The following KSR1 variants were observed in gnomAD, a reference collection of about 807,000 sequenced individuals.
KSR1 encodes kinase suppressor of ras 1, also known as kinase suppressor of ras.
A neutral mutation model predicts 92.9 loss-of-function variants in KSR1; 35 were observed. The observed-to-expected ratio is 0.38, with a 90% CI of 0.29 to 0.50. The LOEUF (loss-of-function observed/expected upper bound fraction) is 0.50, where lower values mean the gene tolerates loss of function less well. Ranked by LOEUF, KSR1 falls within the 20% of genes least tolerant of loss-of-function variation. The pLI, the probability that KSR1 is intolerant of heterozygous loss-of-function variation, is 0.94. For synonymous variants in KSR1, 467 were observed against 472.6 expected, an observed-to-expected ratio of 0.99 and a Z score of 0.15; for missense variants, 972 against 1,158.5, an observed-to-expected ratio of 0.84 and a Z score of 2.34.
Position 27,456,688 on chromosome 17 carries a change from G to C in KSR1, c.45G>C (p.Lys15Asn). The change falls in exon 1 of 21, where the codon AAG becomes AAC. Residue 15 changes from lysine (K) to asparagine (N), a missense_variant. Coordinates refer to ENST00000644974, the MANE Select transcript of KSR1 (RefSeq NM_001394583.1). ...ALRAAAMGEKKEGGGGGDAAA... is the reference protein window; with the variant it reads ...ALRAAAMGEKNEGGGGGDAAA... ...GCGCGGCGGCGATGGGAGAGAAGAA[G>C]GAGGGCGGTGGCGGGGGGGATGCGG... is the stretch of plus-strand genomic sequence containing the variant. 1 of 735,484 alleles carries C rather than the reference G, an allele frequency of 1.4e-6. No homozygotes were observed. The highest frequency in any genetic ancestry group is 1.5e-5 in the South Asian group (1 of 64,858). The allele number at this position is 735,484 out of a possible 1,614,324, so 45.6% of individuals were successfully genotyped here. A position where few individuals can be genotyped will look rare whatever the true frequency, so the allele number is the denominator to read the frequency against.
chr17:27,623,511 C>G lies in KSR1; in HGVS notation c.*119C>G, dbSNP rs761257179. 8 of 691,024 alleles carry G rather than the reference C, an allele frequency of 1.2e-5. No individual in the cohort carries two copies. The Admixed American group carries it at 1.5e-4, about 13-fold the overall frequency. The allele number at this position is 691,024 out of a possible 1,614,324, so 42.8% of individuals were successfully genotyped here. A position where few individuals can be genotyped will look rare whatever the true frequency, so the allele number is the denominator to read the frequency against. On this transcript the variant is annotated 3_prime_UTR_variant, in exon 21 of 21. Transcript: ENST00000644974. Reference sequence around the variant, plus strand: ...CCCAGCGCTGCAAACCAGGAGCACACGTCCTAGATTCAGACTGTTGGCCAT... The same window carrying G: ...CCCAGCGCTGCAAACCAGGAGCACAGGTCCTAGATTCAGACTGTTGGCCAT...
chr17:27,491,753 GGTCGCCCAGGTCT>G (rs2068838890), intron 1 of KSR1, among the ~76,000 whole-genome samples: 1 of 151,916 alleles, frequency 6.6e-6, no homozygotes, highest in Admixed American at 6.5e-5. Flanking sequence ...ATTTGCCCAG[GGTCGCCCAGGTCT>G]GTGTGGGGAA....
rs1193487033 is a variant in KSR1, at chr17:27,456,814, G to C, written c.171G>C (p.Gly57=). The C allele has an allele frequency of 4.0e-6, 6 of 1,508,112 alleles. No individual in the cohort carries two copies. The highest frequency in any genetic ancestry group is 2.3e-5 in the East Asian group (1 of 44,410). The allele number at this position is 1,508,112 out of a possible 1,614,324, so 93.4% of individuals were successfully genotyped here. ...LIDISIGSLR[G]LRTKCAVSND... ...ACATCTCCATCGGCAGCCTGCGCGG[G>C]CTGCGCACCAAGTGCGCTGTGTCCA... Residue 57 remains glycine (G), a synonymous_variant, in exon 1 of 21, where the codon GGG becomes GGC. Transcript: ENST00000644974.
chr17:27,525,933 G>T (rs1400688990), intron 1 of KSR1, among the ~76,000 whole-genome samples: 3 of 152,098 alleles, frequency 2.0e-5, no homozygotes, highest in African/African-American at 7.2e-5. Context: ...GGAACAGTTT[G>T]CGTGGAAGGT....
Position 27,526,775 on chromosome 17 carries a change from C to G in KSR1, c.232-23793C>G, listed in dbSNP as rs1271735859. On this transcript the variant is annotated intron_variant, in intron 1 of 20. Transcript: ENST00000644974. ...CTCTTTCTCATCATCGCACAGTTCT[C>G]TATTTGAAACAGCAAATGATTCTTG... 4 of 1,137,976 alleles carry G rather than the reference C, an allele frequency of 3.5e-6. No homozygotes were observed. The African/African-American group carries it at 6.2e-5, about 18-fold the overall frequency. 70.5% of individuals were successfully genotyped at this position (1,137,976 alleles called of 1,614,324 possible).
intron 15 of KSR1, among the ~76,000 whole-genome samples, chr17:27,608,290 C>T (rs532551613): frequency 6.6e-6 from 1 of 152,322 alleles, no homozygotes; most frequent in Non-Finnish European, 1.5e-5. Flanking sequence ...CCTGGTCACA[C>T]CCTTTGTGTG....
chr17:27,525,460 A>G (rs779914002), intron 1 of KSR1, among the ~76,000 whole-genome samples: 1 of 152,214 alleles, frequency 6.6e-6, no homozygotes, highest in East Asian at 1.9e-4. Flanking sequence ...GAGTTACCGC[A>G]TGTAATGTGC....
intron 7 of KSR1, 95 bp from the exon 8 acceptor site, chr17:27,592,266 G>A: frequency 1.1e-6 from 1 of 905,266 alleles, no homozygotes; most frequent in Non-Finnish European, 1.8e-6. Flanking sequence ...TGTGAAAATG[G>A]AGACAGTCCT....
intron 2 of KSR1, among the ~76,000 whole-genome samples, chr17:27,551,225 T>A (rs552343957): frequency 6.6e-6 from 1 of 152,340 alleles, no homozygotes; most frequent in African/African-American, 2.4e-5. Context: ...CAATATGCTG[T>A]CTTCCTTCCA....
intron 1 of KSR1, among the ~76,000 whole-genome samples, chr17:27,529,189 A>G (rs1007382067): frequency 4.6e-5 from 7 of 152,242 alleles, no homozygotes; most frequent in South Asian, 2.1e-4. Context: ...TGTGAAGATC[A>G]TACTGCAAAT....
At chr17:27,521,228 G>A (rs2070015339) in intron 1 of KSR1, among the ~76,000 whole-genome samples, 1 of 152,128 alleles carries the variant, frequency 6.6e-6, no homozygotes, top group Non-Finnish European at 1.5e-5. Context: ...CACAGGGAGG[G>A]TGGAAAGCCC....
At chr17:27,581,276 G>A (rs575854059) in intron 3 of KSR1, among the ~76,000 whole-genome samples, 19 of 152,048 alleles carry the variant, frequency 1.2e-4, no homozygotes, top group African/African-American at 2.7e-4. Context: ...GAGAAACCAC[G>A]CCCATGATCC....
chr17:27,503,840 C>T (rs563324651), intron 1 of KSR1, among the ~76,000 whole-genome samples: 12 of 152,212 alleles, frequency 7.9e-5, no homozygotes, highest in African/African-American at 2.4e-4. Flanking sequence ...TAAGGAGGTG[C>T]GGGTCGGAGC....
chr17:27,469,240 T>C (rs2019853319), intron 1 of KSR1, among the ~76,000 whole-genome samples: 1 of 152,254 alleles, frequency 6.6e-6, no homozygotes, highest in East Asian at 1.9e-4. Flanking sequence ...TTGACCACTT[T>C]CTCATTTCTT....
At chr17:27,613,610 C>G (rs930382597) in intron 18 of KSR1, among the ~76,000 whole-genome samples, 1 of 152,192 alleles carries the variant, frequency 6.6e-6, no homozygotes, top group South Asian at 2.1e-4. Flanking sequence ...TGCAGGTTCC[C>G]TCATCTGCAC....
At chr17:27,566,880 G>A (rs141909751) in intron 2 of KSR1, among the ~76,000 whole-genome samples, 97 of 152,294 alleles carry the variant, frequency 6.4e-4, no homozygotes, top group African/African-American at 2.3e-3. Context: ...TTTACAGGGA[G>A]CTTAAGAACG....
intron 18 of KSR1, among the ~76,000 whole-genome samples, chr17:27,616,627 T>A (rs573035613): frequency 4.7e-4 from 71 of 152,198 alleles, no homozygotes; most frequent in Non-Finnish European, 8.5e-4. Flanking sequence ...AGCAAAAGCC[T>A]GAGTTGCTGA....
chr17:27,470,955 C>T (rs2019967440), intron 1 of KSR1, among the ~76,000 whole-genome samples: 1 of 152,042 alleles, frequency 6.6e-6, no homozygotes, highest in African/African-American at 2.4e-5. Flanking sequence ...ACTGCAACCT[C>T]TGCCTCCCGG....
intron 1 of KSR1, among the ~76,000 whole-genome samples, chr17:27,463,633 G>C (rs975554462): frequency 1.3e-5 from 2 of 152,102 alleles, no homozygotes; most frequent in Admixed American, 1.3e-4. Context: ...GCAAAGGGGG[G>C]CCCCCTGGGC....
Sources: gnomAD v4.1 joint callset for allele counts (sites outside exome capture counted in the v4.1 genomes callset) on GRCh38, gnomAD v4.1.1 for gene constraint, MANE v1.5 for transcripts, NCBI Gene and HGNC (gene_info 2026-07-23, HGNC 2026-07-21) for gene names.